Variants in KLHL22 observed in about 807,000 individuals in gnomAD.
KLHL22 encodes the protein kelch-like protein 22.
A neutral mutation model predicts 60.7 loss-of-function variants in KLHL22; 18 were observed. The observed-to-expected ratio is 0.30, with a 90% CI of 0.20 to 0.44. KLHL22 has a LOEUF of 0.44. KLHL22 is among the 20% of genes least tolerant of loss of function. The probability of loss-of-function intolerance (pLI) is 1.00; values close to 1 mark genes in which losing one functional copy is unlikely to be tolerated. For missense variants in KLHL22, 596 were observed against 852.3 expected, an observed-to-expected ratio of 0.70 and a Z score of 3.74; for synonymous variants, 355 against 354.5, an observed-to-expected ratio of 1.00 and a Z score of -0.01.
chr22:20,443,073 A>C (rs1298153072), intron 6 of KLHL22, among the ~76,000 whole-genome samples: 2 of 152,266 alleles, frequency 1.3e-5, no homozygotes, highest in Non-Finnish European at 1.5e-5. Flanking sequence ...TTTTTCAACT[A>C]GCAACCACTG....
At chr22:20,462,524 T>G (rs1325422293) in intron 4 of KLHL22, among the ~76,000 whole-genome samples, 1 of 149,814 alleles carries the variant, frequency 6.7e-6, no homozygotes, top group Admixed American at 6.6e-5. Flanking sequence ...CCAGCTAATT[T>G]TTTTTTTTTT....
chr22:20,490,017 T>C (rs569761803), intron 1 of KLHL22, among the ~76,000 whole-genome samples: 26 of 152,292 alleles, frequency 1.7e-4, no homozygotes, highest in African/African-American at 5.8e-4. Flanking sequence ...ATCAGTAAAA[T>C]GAACCTACTG....
At chr22:20,492,606 T>TG (rs1265931992) in intron 1 of KLHL22, among the ~76,000 whole-genome samples, 1 of 152,016 alleles carries the variant, frequency 6.6e-6, no homozygotes, top group Admixed American at 6.5e-5. Context: ...TTTTTTTTTT[T>TG]TTAGACGGAG....
Position 20,450,071 on chromosome 22 carries a change from C to T in KLHL22, c.1306-3395G>A, listed in dbSNP as rs900666725. On this transcript the variant is annotated intron_variant, in intron 5 of 6. Transcript: ENST00000328879. ...TGGCGCGGCTGTGTGGGATCAGAAG[C>T]AGAGTTGCAGAATCCAAGGACCTAT... is the stretch of plus-strand genomic sequence containing the variant. The T allele has an allele frequency of 5.5e-5, 40 of 724,778 alleles. 1 individual carries two copies. Among genetic ancestry groups the T allele is most frequent in the South Asian group, 4.9e-4 (32 of 65,498 alleles). 44.9% of individuals were successfully genotyped at this position (724,778 alleles called of 1,614,324 possible). A position where few individuals can be genotyped will look rare whatever the true frequency, so the allele number is the denominator to read the frequency against.
chr22:20,459,021 A>G (rs1178274776), intron 4 of KLHL22, among the ~76,000 whole-genome samples: 1 of 152,104 alleles, frequency 6.6e-6, no homozygotes, highest in Non-Finnish European at 1.5e-5. Context: ...TCCTGGGCTG[A>G]GCACCAACAG....
intron 5 of KLHL22, chr22:20,451,442 C>T: frequency 1.2e-6 from 2 of 1,605,596 alleles, no homozygotes. Flanking sequence ...ATCTTAAATT[C>T]AGTTGAGAAA....
In KLHL22 at chr22:20,457,817, G is replaced by T; in HGVS notation, c.1296C>A (p.Leu432=). ...TCGAGGGCTTCCTTACCTCCCTCTT[G>T]AGTGGGGCCACGTATGCCCAGGAGT... ...ATNSWAYVAP[L]KREVYAHAGA... Residue 432 remains leucine (L), a synonymous_variant, in exon 5 of 7, where the codon CTC becomes CTA. Coordinates refer to ENST00000328879, the MANE Select transcript of KLHL22 (RefSeq NM_032775.4). 1 of 1,599,414 alleles carries T rather than the reference G, an allele frequency of 6.3e-7. No individual in the cohort carries two copies. The highest frequency in any genetic ancestry group is 2.2e-5 in the East Asian group (1 of 44,448).
chr22:20,490,708 C>T (rs915499658), intron 1 of KLHL22, among the ~76,000 whole-genome samples: 1 of 152,186 alleles, frequency 6.6e-6, no homozygotes, highest in Non-Finnish European at 1.5e-5. Context: ...GATTCTCTTT[C>T]GGAGCACACA....
At chr22:20,451,849 C>T in intron 5 of KLHL22, 8 of 1,589,394 alleles carry the variant, frequency 5.0e-6, no homozygotes, top group Non-Finnish European at 6.9e-6. Context: ...CCATCCAGAG[C>T]TAGTGACCAG....
intron 5 of KLHL22, chr22:20,450,298 C>T: frequency 9.4e-7 from 1 of 1,061,204 alleles, no homozygotes; most frequent in Non-Finnish European, 1.5e-6. Flanking sequence ...TACTTCTGTG[C>T]CATGTTCACT....
At chr22:20,474,412 A>T (rs542215377) in intron 2 of KLHL22, among the ~76,000 whole-genome samples, 1 of 151,506 alleles carries the variant, frequency 6.6e-6, no homozygotes, top group Non-Finnish European at 1.5e-5. Flanking sequence ...TTTTTTTAAG[A>T]TGGAGTTTCG....
chr22:20,480,870 C>T (rs1358088322), intron 2 of KLHL22, among the ~76,000 whole-genome samples: 1 of 130,762 alleles, frequency 7.6e-6, no homozygotes, highest in African/African-American at 2.9e-5. Context: ...CTTGCTCTGT[C>T]GCCCAGGCTG....
rs57089443 is a variant in KLHL22 at position 20,470,843 on chromosome 22, G to C, written c.393+507C>G. Among the ~76,000 whole-genome samples the C allele has an allele frequency of 7.7e-4, 98 of 127,988 alleles. 1 individual carries two copies. In the South Asian group the frequency reaches 9.8e-3, roughly 13 times the overall value. The allele number at this position is 127,988 out of a possible 152,430, so 84.0% of individuals were successfully genotyped here. ...GGATGGATGGATGCATGCATGCATG[G>C]ATGGATGGATGGATGCGTGCATGCA... is the stretch of plus-strand genomic sequence containing the variant. On this transcript the variant is annotated intron_variant, in intron 3 of 6. Coordinates refer to ENST00000328879, the MANE Select transcript of KLHL22 (RefSeq NM_032775.4).
At chr22:20,456,615 C>G (rs188918183) in intron 5 of KLHL22, 2 of 152,450 alleles carry the variant, frequency 1.3e-5, no homozygotes, top group Admixed American at 1.3e-4. Context: ...AAAATCTGCT[C>G]CTTTCCCCAG....
chr22:20,448,582 T>C (rs994127144), intron 5 of KLHL22, among the ~76,000 whole-genome samples: 8 of 152,230 alleles, frequency 5.3e-5, no homozygotes, highest in Admixed American at 1.3e-4. Context: ...TTTATTTTTT[T>C]GAGACAGGGT....
intron 1 of KLHL22, among the ~76,000 whole-genome samples, chr22:20,492,353 C>A (rs528283196): frequency 2.0e-5 from 3 of 152,104 alleles, no homozygotes; most frequent in Non-Finnish European, 4.4e-5. Context: ...ATGCCCCTAC[C>A]AGTTTCCCTA....
chr22:20,442,024 TGCCCTGCA>T lies in KLHL22; in HGVS notation c.*41_*48del. 1 of 1,486,748 alleles carries T rather than the reference TGCCCTGCA, an allele frequency of 6.7e-7. No homozygotes were observed. Among genetic ancestry groups the T allele is most frequent in the Non-Finnish European group, 8.9e-7 (1 of 1,117,876 alleles). 92.1% of individuals were successfully genotyped at this position (1,486,748 alleles called of 1,614,324 possible). On this transcript the variant is annotated 3_prime_UTR_variant, in exon 7 of 7. Transcript: ENST00000328879. ...CTGGCCTAGGCTGCGTGGGTTTCAC[TGCCCTGCA>T]GCCCCAGCCTCCCTTCCCTCTGATG...
At chr22:20,453,027 A>G (rs2053003461) in intron 5 of KLHL22, among the ~76,000 whole-genome samples, 1 of 152,216 alleles carries the variant, frequency 6.6e-6, no homozygotes, top group Non-Finnish European at 1.5e-5. Context: ...TACCTCAGCT[A>G]TCAACATTTC....
chr22:20,451,181 A>G (rs1034562452), intron 5 of KLHL22: 10 of 1,593,974 alleles, frequency 6.3e-6, no homozygotes, highest in Admixed American at 5.0e-5. Context: ...ACAGCAGATG[A>G]GGATGGGGTC....
Sources: allele counts gnomAD v4.1 joint callset (sites outside exome capture counted in the v4.1 genomes callset), GRCh38; gene constraint gnomAD v4.1.1; transcripts MANE v1.5; gene names NCBI Gene and HGNC (gene_info 2026-07-23, HGNC 2026-07-21).